The following CDKAL1 variants were observed in gnomAD, a reference collection of about 807,000 sequenced individuals.
The protein encoded by CDKAL1 is threonylcarbamoyladenosine tRNA methylthiotransferase.
A neutral mutation model predicts 68.2 loss-of-function variants in CDKAL1; 32 were observed. The ratio of observed to expected loss-of-function variants is 0.47; its 90% CI spans 0.35 to 0.63. The LOEUF (loss-of-function observed/expected upper bound fraction) is 0.63, where lower values mean the gene tolerates loss of function less well. Among genes scored for constraint, CDKAL1 ranks in the 30% least tolerant of loss-of-function variants. CDKAL1 has a pLI of 0.00. For synonymous variants in CDKAL1, 234 were observed against 244.3 expected (o/e 0.96, Z 0.39); for missense variants, 606 against 696.7 (o/e 0.87, Z 1.47).
At chr6:20,749,175 G>C (rs992955846) in intron 6 of CDKAL1, among the ~76,000 whole-genome samples, 20 of 152,228 alleles carry the variant, frequency 1.3e-4, no homozygotes, top group African/African-American at 4.6e-4. Flanking sequence ...AATATAATTA[G>C]CCTGAGCAAT....
chr6:20,906,726 C>CA lies in CDKAL1; in HGVS notation c.743-48685dup, dbSNP rs199789991. ...AAGGAATTTAAACATTGTTTCACCA[C>CA]AAAAAAAACATCTAAACACAAAAGA... On this transcript the variant is annotated intron_variant, in intron 9 of 15. Transcript: ENST00000274695. Among the ~76,000 whole-genome samples the CA allele has an allele frequency of 8.7e-3, 1,320 of 151,434 alleles. 20 individuals are homozygous for CA. Among genetic ancestry groups the CA allele is most frequent in the African/African-American group, 0.03 (1,225 of 41,306 alleles).
At position 21,111,534 on chromosome 6, in the gene CDKAL1, G is replaced by T. The variant is rs144713882; in HGVS notation, c.1299+3071G>T. ...ACCCCAGACACAGGAAAGTCACCAG[G>T]TTAAACAAACGTGTTGTTTGAGTGA... On this transcript the variant is annotated intron_variant, in intron 13 of 15. Transcript: ENST00000274695. Among the ~76,000 whole-genome samples, 3 of 152,294 alleles carry T rather than the reference G, an allele frequency of 2.0e-5. No homozygotes were observed. The East Asian group carries it at 5.8e-4, about 29-fold the overall frequency.
At chr6:20,983,024 G>C (rs758659411) in intron 10 of CDKAL1, among the ~76,000 whole-genome samples, 1 of 152,084 alleles carries the variant, frequency 6.6e-6, no homozygotes, top group Non-Finnish European at 1.5e-5. Flanking sequence ...ACTCTGACAA[G>C]GTGTACTTAG....
At chr6:20,570,644 A>G (rs1022653007) in intron 4 of CDKAL1, among the ~76,000 whole-genome samples, 2 of 152,078 alleles carry the variant, frequency 1.3e-5, no homozygotes, top group African/African-American at 4.8e-5. Flanking sequence ...CAGGTGATTC[A>G]ACTGCCTTGG....
chr6:20,694,102 G>C (rs1376183389), intron 5 of CDKAL1, among the ~76,000 whole-genome samples: 1 of 151,038 alleles, frequency 6.6e-6, no homozygotes, highest in East Asian at 1.9e-4. Context: ...GTATGTAGGT[G>C]GTTGGTATAG....
chr6:21,191,997 T>TC (rs1778264932), intron 13 of CDKAL1, among the ~76,000 whole-genome samples: 1 of 48,314 alleles, frequency 2.1e-5, no homozygotes, highest in Non-Finnish European at 4.4e-5. Context: ...TTTTTCTTTT[T>TC]TTTTTTTTTT....
chr6:20,608,826 AT>A (rs922868490), intron 4 of CDKAL1, among the ~76,000 whole-genome samples: 3 of 152,182 alleles, frequency 2.0e-5, no homozygotes, highest in African/African-American at 7.2e-5. Flanking sequence ...TATTAAAAAG[AT>A]TTGCATGATA....
At chr6:21,088,777 A>G (rs1268688282) in intron 12 of CDKAL1, among the ~76,000 whole-genome samples, 1 of 152,092 alleles carries the variant, frequency 6.6e-6, no homozygotes. Context: ...CCCCGTCTCT[A>G]CTAAAAATAC....
intron 10 of CDKAL1, among the ~76,000 whole-genome samples, chr6:20,984,558 G>A (rs1044072114): frequency 6.6e-6 from 1 of 152,318 alleles, no homozygotes; most frequent in African/African-American, 2.4e-5. Context: ...GCTTCCAGGA[G>A]GAATGAGGTT....
intron 7 of CDKAL1, among the ~76,000 whole-genome samples, chr6:20,761,942 G>A (rs1314936439): frequency 6.6e-6 from 1 of 152,154 alleles, no homozygotes; most frequent in Non-Finnish European, 1.5e-5. Flanking sequence ...ATGTGTCAGT[G>A]TAGGTTCATT....
chr6:20,737,732 T>C (rs1285572851), intron 5 of CDKAL1, among the ~76,000 whole-genome samples: 1 of 152,254 alleles, frequency 6.6e-6, no homozygotes, highest in Non-Finnish European at 1.5e-5. Context: ...TTGGATGTGT[T>C]ATGCAATCTA....
intron 5 of CDKAL1, among the ~76,000 whole-genome samples, chr6:20,712,365 A>G (rs941843714): frequency 1.3e-5 from 2 of 152,180 alleles, no homozygotes; most frequent in Non-Finnish European, 2.9e-5. Context: ...CCAGACAGGA[A>G]TTAGTCATGA....
At chr6:20,911,064 C>A (rs1762445945) in intron 9 of CDKAL1, among the ~76,000 whole-genome samples, 1 of 152,216 alleles carries the variant, frequency 6.6e-6, no homozygotes, top group Non-Finnish European at 1.5e-5. Flanking sequence ...TTTGCTAGGG[C>A]AACCCCAGCA....
chr6:20,771,878 G>T (rs539446552), intron 7 of CDKAL1, among the ~76,000 whole-genome samples: 175 of 152,260 alleles, frequency 1.1e-3, no homozygotes, highest in Non-Finnish European at 2.0e-3. Context: ...AGCAGATGCT[G>T]TTACCATACT....
chr6:21,090,548 A>G (rs1035576538), intron 12 of CDKAL1, among the ~76,000 whole-genome samples: 7 of 152,182 alleles, frequency 4.6e-5, no homozygotes, highest in Non-Finnish European at 8.8e-5. Context: ...TGATTTATGG[A>G]TTATGGAGTT....
intron 13 of CDKAL1, among the ~76,000 whole-genome samples, chr6:21,172,909 C>T (rs1302101511): frequency 6.6e-6 from 1 of 151,898 alleles, no homozygotes; most frequent in East Asian, 1.9e-4. Context: ...AATGACTACG[C>T]ATTTCATTAG....
chr6:20,796,705 T>C (rs984418210), intron 8 of CDKAL1, among the ~76,000 whole-genome samples: 14 of 152,132 alleles, frequency 9.2e-5, no homozygotes, highest in African/African-American at 3.4e-4. Context: ...GGCAGTTGAT[T>C]TTGACAAAGG....
chr6:21,021,009 C>T (rs914397808), intron 11 of CDKAL1, among the ~76,000 whole-genome samples: 11 of 152,060 alleles, frequency 7.2e-5, no homozygotes, highest in African/African-American at 2.2e-4. Context: ...TACAGAGATA[C>T]TGAAGTGAGG....
intron 13 of CDKAL1, among the ~76,000 whole-genome samples, chr6:21,147,470 TAATAAG>T (rs1467201149): frequency 1.3e-5 from 2 of 152,004 alleles, no homozygotes; most frequent in African/African-American, 2.4e-5. Context: ...GAGGTGGAAA[TAATAAG>T]AATAACAAAT....
Sources: allele counts gnomAD v4.1 joint callset (sites outside exome capture counted in the v4.1 genomes callset), GRCh38; gene constraint gnomAD v4.1.1; transcripts MANE v1.5; gene names NCBI Gene and HGNC (gene_info 2026-07-23, HGNC 2026-07-21).